The following TBC1D19 variants were observed in gnomAD, a reference collection of about 807,000 sequenced individuals.
TBC1D19 encodes TBC1 domain family member 19.
TBC1D19 carries 60 observed loss-of-function variants against 89.0 expected under a neutral mutation model. The observed-to-expected ratio is 0.67, with a 90% CI of 0.55 to 0.84. The LOEUF (loss-of-function observed/expected upper bound fraction) is 0.84. Ranked by LOEUF, TBC1D19 falls within the 40% of genes least tolerant of loss-of-function variation. The pLI, the probability that TBC1D19 is intolerant of heterozygous loss-of-function variation, is 0.00. For synonymous variants in TBC1D19, 189 were observed against 199.7 expected (o/e 0.95, Z 0.45); for missense variants, 500 against 610.8 (o/e 0.82, Z 1.91).
chr4:26,660,138 A>G (rs1745133275), intron 8 of TBC1D19, among the ~76,000 whole-genome samples: 1 of 152,158 alleles, frequency 6.6e-6, no homozygotes, highest in Non-Finnish European at 1.5e-5. Context: ...TTAATTAGAG[A>G]CTGGCTTTGC....
chr4:26,797,672 G>T, the TBC1D19 span, among the ~76,000 whole-genome samples: 2 of 152,154 alleles, frequency 1.3e-5, no homozygotes, highest in Admixed American at 1.3e-4. Flanking sequence ...AACTGAAACA[G>T]CATGGTGCTG....
At chr4:26,600,580 A>G (rs1273872543) in intron 1 of TBC1D19, among the ~76,000 whole-genome samples, 1 of 152,210 alleles carries the variant, frequency 6.6e-6, no homozygotes, top group African/African-American at 2.4e-5. Flanking sequence ...CTAAATGTGA[A>G]GTGAATACTT....
At chr4:26,772,088 C>G in the TBC1D19 span, among the ~76,000 whole-genome samples, 1 of 150,934 alleles carries the variant, frequency 6.6e-6, no homozygotes, top group African/African-American at 2.4e-5. Flanking sequence ...CAACTTCATG[C>G]CTGTGAATTT....
intron 16 of TBC1D19, among the ~76,000 whole-genome samples, chr4:26,738,819 T>C (rs538892863): frequency 1.1e-4 from 17 of 152,248 alleles, no homozygotes; most frequent in African/African-American, 3.6e-4. Flanking sequence ...ACTTTTGTGT[T>C]TGAAAGAATT....
At chr4:26,768,260 A>G in the TBC1D19 span, among the ~76,000 whole-genome samples, 1 of 152,226 alleles carries the variant, frequency 6.6e-6, no homozygotes, top group Non-Finnish European at 1.5e-5. Context: ...GTTTTGCCTC[A>G]GGAAGGAATA....
the TBC1D19 span, among the ~76,000 whole-genome samples, chr4:26,775,062 G>A: frequency 2.0e-5 from 3 of 152,072 alleles, no homozygotes; most frequent in African/African-American, 4.8e-5. Flanking sequence ...TTCTCTTTTC[G>A]TATGTTAGTA....
rs749390978 is a variant in TBC1D19 at position 26,683,748 on chromosome 4, A to C, written c.890A>C (p.Lys297Thr). The change falls in exon 12 of 21, where the codon AAA becomes ACA. Residue 297 changes from lysine to threonine, a missense_variant and splice_region_variant. Around this residue, in one of 2 missense-constraint regions of TBC1D19, gnomAD observed 220 missense variants for 319.1 expected, o/e 0.69. Transcript: ENST00000264866. ...CTTTTGGTGGACAGTCTAATCTATAAAGTAAGTAAAAGTCAGCTTAGTTTT... is the reference window on the plus strand; with the variant it reads ...CTTTTGGTGGACAGTCTAATCTATACAGTAAGTAAAAGTCAGCTTAGTTTT... ...HDLLVDSLIY[K>T]DVKLTASNDD... 6.2e-7 allele frequency: 1 copy of C among 1,606,900 alleles called. No homozygotes were observed. Among genetic ancestry groups the C allele is most frequent in the Admixed American group, 1.7e-5 (1 of 58,568 alleles).
At chr4:26,856,335 A>G in the TBC1D19 span, among the ~76,000 whole-genome samples, 1 of 152,108 alleles carries the variant, frequency 6.6e-6, no homozygotes. Context: ...ATAGTATTCC[A>G]CTGTGTGTAT....
chr4:26,851,167 T>C, the TBC1D19 span, among the ~76,000 whole-genome samples: 3 of 152,178 alleles, frequency 2.0e-5, no homozygotes, highest in Non-Finnish European at 4.4e-5. Context: ...GTTACGCCAT[T>C]GACTTCTCTT....
rs372622222 is a variant in TBC1D19, at chr4:26,584,172, T to G, written c.-22T>G. On this transcript the variant is annotated 5_prime_UTR_variant, in exon 1 of 21. Transcript: ENST00000264866. ...CGCGCCGGCGGCCTGTCCCCGCGGC[T>G]TGGCGGGCTAGGGCAGGGGAAATGT... 304 of 1,601,894 alleles carry G rather than the reference T, an allele frequency of 1.9e-4. 1 individual carries two copies. Among genetic ancestry groups the G allele is most frequent in the Non-Finnish European group, 2.4e-5 (28 of 1,175,386 alleles).
At chr4:26,618,721 A>G (rs1741847384) in intron 3 of TBC1D19, among the ~76,000 whole-genome samples, 1 of 152,252 alleles carries the variant, frequency 6.6e-6, no homozygotes, top group Non-Finnish European at 1.5e-5. Context: ...TAAGGAAGAC[A>G]TCACTTCTGG....
At chr4:26,727,805 T>C (rs1717405403) in intron 15 of TBC1D19, among the ~76,000 whole-genome samples, 1 of 152,202 alleles carries the variant, frequency 6.6e-6, no homozygotes, top group African/African-American at 2.4e-5. Flanking sequence ...AGTATTTTAT[T>C]TATAAGCCTT....
At chr4:26,847,710 G>A in the TBC1D19 span, among the ~76,000 whole-genome samples, 13 of 152,178 alleles carry the variant, frequency 8.5e-5, no homozygotes, top group Admixed American at 8.5e-4. Context: ...ACACTGGAGG[G>A]CACAGGCAAA....
intron 4 of TBC1D19, among the ~76,000 whole-genome samples, chr4:26,636,255 A>G (rs896140432): frequency 2.0e-5 from 3 of 152,056 alleles, no homozygotes; most frequent in Non-Finnish European, 1.5e-5. Flanking sequence ...TTTAGTAAAA[A>G]GACAAAAAAC....
the TBC1D19 span, among the ~76,000 whole-genome samples, chr4:26,797,272 C>T: frequency 6.6e-6 from 1 of 151,752 alleles, no homozygotes; most frequent in African/African-American, 2.4e-5. Context: ...ATAACTCAAT[C>T]CAAAAAAAAG....
At chr4:26,770,557 G>C in the TBC1D19 span, among the ~76,000 whole-genome samples, 40 of 151,982 alleles carry the variant, frequency 2.6e-4, no homozygotes, top group East Asian at 7.5e-3. Flanking sequence ...ATTGATAAAG[G>C]GGTGTTGAAA....
At chr4:26,641,036 C>T (rs1367056126) in intron 7 of TBC1D19, among the ~76,000 whole-genome samples, 2 of 152,076 alleles carry the variant, frequency 1.3e-5, no homozygotes, top group Non-Finnish European at 2.9e-5. Flanking sequence ...CTGTCAGCTC[C>T]GAAGAGAGCA....
chr4:26,847,589 G>T, the TBC1D19 span, among the ~76,000 whole-genome samples: 2 of 152,170 alleles, frequency 1.3e-5, no homozygotes, highest in Non-Finnish European at 1.5e-5. Context: ...GGTCAGAAAG[G>T]TATCTGGGGC....
At chr4:26,709,528 G>C (rs1271533779) in intron 13 of TBC1D19, among the ~76,000 whole-genome samples, 1 of 152,004 alleles carries the variant, frequency 6.6e-6, no homozygotes, top group Non-Finnish European at 1.5e-5. Context: ...ACAGATACCA[G>C]ACATTTGGAG....
Sources: allele counts gnomAD v4.1 joint callset (sites outside exome capture counted in the v4.1 genomes callset), GRCh38; gene constraint gnomAD v4.1.1; regional missense constraint gnomAD v4.1.1; transcripts MANE v1.5; gene names NCBI Gene and HGNC (gene_info 2026-07-23, HGNC 2026-07-21).